The following PARD3B variants were observed in gnomAD, a reference collection of about 807,000 sequenced individuals.
PARD3B encodes par-3 family cell polarity regulator beta, also known as partitioning defective 3 homolog B.
PARD3B carries 103 observed loss-of-function variants against 130.2 expected under a neutral mutation model. The ratio of observed to expected loss-of-function variants is 0.79; its 90% CI spans 0.67 to 0.93. The LOEUF (loss-of-function observed/expected upper bound fraction) is 0.93, where lower values mean the gene tolerates loss of function less well. Ranked by LOEUF, PARD3B falls within the 40% of genes least tolerant of loss-of-function variation. The probability of loss-of-function intolerance (pLI) is 0.00; values close to 1 mark genes in which losing one functional copy is unlikely to be tolerated. For missense variants in PARD3B, 1,609 were observed against 1,499.2 expected (o/e 1.07, Z -1.21); for synonymous variants, 583 against 553.2 (o/e 1.05, Z -0.76).
At chr2:204,687,526 A>G (rs955038828) in intron 2 of PARD3B, among the ~76,000 whole-genome samples, 6 of 152,168 alleles carry the variant, frequency 3.9e-5, no homozygotes, top group Non-Finnish European at 8.8e-5. Context: ...CTTGATTCCC[A>G]AAAATACTTA....
rs562821625 is a variant in PARD3B, at chr2:204,917,306, A to C, written c.223-47846A>C. 5.3e-5 allele frequency among the ~76,000 whole-genome samples: 8 copies of C among 152,308 alleles called. No individual in the cohort carries two copies. In the East Asian group the frequency reaches 1.5e-3, roughly 29 times the overall value. On this transcript the variant is annotated intron_variant, in intron 2 of 22. Coordinates refer to ENST00000406610, the MANE Select transcript of PARD3B (RefSeq NM_001302769.2). ...CTGAGGAATGACAAGGTCTTGTGGCACTGGGAGGTTGTGCAGGGTAGAAGC... is the reference window on the plus strand; with the variant it reads ...CTGAGGAATGACAAGGTCTTGTGGCCCTGGGAGGTTGTGCAGGGTAGAAGC...
chr2:205,489,035 A>G (rs937335834), intron 20 of PARD3B, among the ~76,000 whole-genome samples: 1 of 152,188 alleles, frequency 6.6e-6, no homozygotes, highest in African/African-American at 2.4e-5. Flanking sequence ...TTTTCTTTGC[A>G]TGTATGTATG....
chr2:204,753,096 G>A (rs1035000647), intron 2 of PARD3B, among the ~76,000 whole-genome samples: 1 of 152,156 alleles, frequency 6.6e-6, no homozygotes, highest in Admixed American at 6.6e-5. Context: ...GACAGAAGGT[G>A]TAATGTAAAA....
At chr2:205,378,654 A>T (rs1393134479) in intron 18 of PARD3B, among the ~76,000 whole-genome samples, 11 of 139,880 alleles carry the variant, frequency 7.9e-5, no homozygotes, top group Admixed American at 2.1e-4. Flanking sequence ...TTTTTTTGAG[A>T]CAGAGTTTCA....
intron 18 of PARD3B, among the ~76,000 whole-genome samples, chr2:205,315,639 G>T (rs761117361): frequency 6.6e-6 from 1 of 151,996 alleles, no homozygotes; most frequent in South Asian, 2.1e-4. Context: ...CTATATTCTC[G>T]TCCCAGTTTG....
At chr2:205,614,469 C>T (rs542858682) in intron 22 of PARD3B, among the ~76,000 whole-genome samples, 4 of 152,050 alleles carry the variant, frequency 2.6e-5, no homozygotes, top group South Asian at 2.1e-4. Context: ...TTTGGGATGC[C>T]GAGCCAGGCA....
chr2:205,070,888 A>G (rs915195825), intron 4 of PARD3B, among the ~76,000 whole-genome samples: 1 of 152,134 alleles, frequency 6.6e-6, no homozygotes, highest in African/African-American at 2.4e-5. Flanking sequence ...GTTTTTAACT[A>G]TTTCATTTCT....
chr2:204,583,622 TAAAAAAA>T (rs1183973275), intron 1 of PARD3B, among the ~76,000 whole-genome samples: 1 of 70,754 alleles, frequency 1.4e-5, no homozygotes, highest in African/African-American at 4.6e-5. Flanking sequence ...ACTTAAAGTA[TAAAAAAA>T]AAAAAAAAAA....
At chr2:205,484,137 C>T (rs1439122579) in intron 20 of PARD3B, among the ~76,000 whole-genome samples, 1 of 152,076 alleles carries the variant, frequency 6.6e-6, no homozygotes, top group African/African-American at 2.4e-5. Context: ...CCCAAAAGCT[C>T]CTTTTATTAG....
At chr2:205,343,715 C>G (rs1011897972) in intron 18 of PARD3B, among the ~76,000 whole-genome samples, 1 of 152,154 alleles carries the variant, frequency 6.6e-6, no homozygotes, top group African/African-American at 2.4e-5. Flanking sequence ...GAACAGCGTG[C>G]TTGTGTCTGA....
chr2:204,955,658 G>A lies in PARD3B; in HGVS notation c.223-9494G>A, dbSNP rs147744393. On this transcript the variant is annotated intron_variant, in intron 2 of 22. Coordinates refer to ENST00000406610, the MANE Select transcript of PARD3B (RefSeq NM_001302769.2). ...TCAGTTTTTTTCATCTGTAAAATGG[G>A]AATAACAGTGGATTTATCATAGGAT... Among the ~76,000 whole-genome samples the A allele has an allele frequency of 6.4e-3, 973 of 152,194 alleles. 7 individuals are homozygous for A. Among genetic ancestry groups the A allele is most frequent in the Non-Finnish European group, 0.011 (715 of 68,010 alleles).
intron 2 of PARD3B, among the ~76,000 whole-genome samples, chr2:204,771,538 G>C (rs541137994): frequency 6.6e-6 from 1 of 152,154 alleles, no homozygotes; most frequent in South Asian, 2.1e-4. Context: ...GAAGGAGGGG[G>C]GCAAGGGTTG....
intron 19 of PARD3B, among the ~76,000 whole-genome samples, chr2:205,420,178 C>A (rs1019024564): frequency 6.6e-6 from 1 of 152,160 alleles, no homozygotes; most frequent in Non-Finnish European, 1.5e-5. Context: ...TGTGTTTATG[C>A]TTTTCAAGAG....
At chr2:205,560,318 A>G (rs755249025) in intron 22 of PARD3B, among the ~76,000 whole-genome samples, 1 of 152,198 alleles carries the variant, frequency 6.6e-6, no homozygotes, top group Non-Finnish European at 1.5e-5. Flanking sequence ...TTCCTAATAT[A>G]CAGGTTAAGT....
At chr2:205,579,731 A>G (rs2053897504) in intron 22 of PARD3B, among the ~76,000 whole-genome samples, 1 of 152,246 alleles carries the variant, frequency 6.6e-6, no homozygotes, top group Non-Finnish European at 1.5e-5. Context: ...AAACGACAGC[A>G]TATTCTTTCA....
intron 2 of PARD3B, among the ~76,000 whole-genome samples, chr2:204,755,430 A>G (rs985119392): frequency 6.6e-6 from 1 of 152,174 alleles, no homozygotes; most frequent in Non-Finnish European, 1.5e-5. Flanking sequence ...CACAAGTCAC[A>G]TTATTACTGA....
At chr2:204,923,524 G>A (rs1005692758) in intron 2 of PARD3B, among the ~76,000 whole-genome samples, 13 of 151,828 alleles carry the variant, frequency 8.6e-5, no homozygotes, top group Admixed American at 3.9e-4. Flanking sequence ...ATTATATAAA[G>A]CCTAGATATA....
intron 21 of PARD3B, among the ~76,000 whole-genome samples, chr2:205,523,323 C>A (rs1004652184): frequency 6.6e-6 from 1 of 150,828 alleles, no homozygotes; most frequent in Non-Finnish European, 1.5e-5. Flanking sequence ...CGGCTCACTG[C>A]AACCTCCGCC....
At chr2:205,380,155 A>G (rs1248528153) in intron 18 of PARD3B, among the ~76,000 whole-genome samples, 1 of 107,132 alleles carries the variant, frequency 9.3e-6, no homozygotes, top group Non-Finnish European at 1.8e-5. Context: ...TATATATTAT[A>G]TAAAGAATAT....
Sources: allele counts gnomAD v4.1 joint callset (sites outside exome capture counted in the v4.1 genomes callset), GRCh38; gene constraint gnomAD v4.1.1; transcripts MANE v1.5; gene names NCBI Gene and HGNC (gene_info 2026-07-23, HGNC 2026-07-21).